KIF13B: variants seen among roughly 807,000 people sequenced by gnomAD.
KIF13B encodes kinesin-like protein KIF13B.
A neutral mutation model predicts 222.0 loss-of-function variants in KIF13B; 127 were observed. The ratio of observed to expected loss-of-function variants is 0.57; its 90% CI spans 0.50 to 0.66. The LOEUF (loss-of-function observed/expected upper bound fraction) is 0.66. KIF13B is among the 30% of genes least tolerant of loss of function. The probability of loss-of-function intolerance (pLI) is 0.00; values close to 1 mark genes in which losing one functional copy is unlikely to be tolerated. For synonymous variants in KIF13B, 976 were observed against 919.0 expected (o/e 1.06, Z -1.12); for missense variants, 2,173 against 2,379.0 (o/e 0.91, Z 1.80).
Position 29,071,725 on chromosome 8 carries a change from C to T in KIF13B, c.5113G>A (p.Glu1705Lys). The T allele has an allele frequency of 1.3e-6, 2 of 1,550,104 alleles. No homozygotes were observed. Among genetic ancestry groups the T allele is most frequent in the Non-Finnish European group, 1.7e-6 (2 of 1,146,704 alleles). Residue 1705 changes from glutamate to lysine, a missense_variant, in exon 39 of 40, where the codon GAG becomes AAG. Physicochemically the swap from Glu to Lys is moderately conservative, Grantham distance 56. Around this residue, in one of 2 missense-constraint regions of KIF13B, gnomAD observed 693 missense variants for 656.2 expected, o/e 1.06. Transcript: ENST00000524189. This position sits in a 1 kb window ranked among gnomAD's most constrained non-coding sequence, Gnocchi z 4.9. ...TTGTGGGCGCCCACGGTGACGAACT[C>T]GCCCTCTCGGAGCCACTCCGGGACC... ...DEVPEWLREG[E>K]FVTVGAHKTG... is the part of the protein sequence containing the mutation.
intron 2 of KIF13B, among the ~76,000 whole-genome samples, chr8:29,211,201 T>G (rs1814206757): frequency 6.6e-6 from 1 of 152,230 alleles, no homozygotes; most frequent in Non-Finnish European, 1.5e-5. Flanking sequence ...GGCACTTGTT[T>G]CCATGCATTG....
Position 29,190,728 on chromosome 8 carries a change from C to A in KIF13B, c.223+269G>T. The stretch of plus-strand genomic sequence containing the variant: ...GAGCGGTCTTGTGGGACTGAGCCCT[C>A]AGTCTGTGGATCTGACGCTGTCCCC... On this transcript the variant is annotated intron_variant, in intron 4 of 39. Coordinates refer to ENST00000524189, the MANE Select transcript of KIF13B (RefSeq NM_015254.4). The A allele has an allele frequency of 7.1e-6, 3 of 420,616 alleles. No individual in the cohort carries two copies. The South Asian group carries it at 7.9e-5, about 11-fold the overall frequency. 26.1% of individuals were successfully genotyped at this position (420,616 alleles called of 1,614,324 possible).
intron 35 of KIF13B, among the ~76,000 whole-genome samples, chr8:29,101,773 C>T (rs1299913051): frequency 6.6e-6 from 1 of 152,160 alleles, no homozygotes; most frequent in Non-Finnish European, 1.5e-5. Context: ...GAGACAGGGA[C>T]CTCAAATCGC....
In KIF13B at chr8:29,167,829, C is replaced by G. The variant is rs147403794; in HGVS notation, c.946-244G>C. On this transcript the variant is annotated intron_variant, in intron 10 of 39. Transcript: ENST00000524189. ...GACGGGGAAATGTCATGAAACCTAC[C>G]TTTATTTCGGTTTAACACAAATTAA... 1.4e-3 allele frequency among the ~76,000 whole-genome samples: 220 copies of G among 152,272 alleles called. 1 individual carries two copies. Among genetic ancestry groups the G allele is most frequent in the African/African-American group, 5.1e-3 (210 of 41,566 alleles).
At chr8:29,113,615 C>A in intron 31 of KIF13B, 60 bp from the exon 32 acceptor site, 2 of 967,528 alleles carry the variant, frequency 2.1e-6, no homozygotes, top group Non-Finnish European at 3.2e-6. Context: ...TTTACATTAA[C>A]AAAAGACAGC....
intron 30 of KIF13B, among the ~76,000 whole-genome samples, chr8:29,118,075 T>C (rs982239224): frequency 7.9e-5 from 12 of 151,858 alleles, no homozygotes; most frequent in East Asian, 3.9e-4. Flanking sequence ...AGAGGATCAC[T>C]TGAACCCAGG....
At chr8:29,200,198 GACAC>G (rs1255592074) in intron 2 of KIF13B, among the ~76,000 whole-genome samples, 1 of 152,040 alleles carries the variant, frequency 6.6e-6, no homozygotes, top group Non-Finnish European at 1.5e-5. Flanking sequence ...AAAGGCATGG[GACAC>G]CCAAAGATGT....
chr8:29,141,445 A>G (rs973691789), intron 19 of KIF13B, among the ~76,000 whole-genome samples: 6 of 152,246 alleles, frequency 3.9e-5, no homozygotes, highest in African/African-American at 1.4e-4. Context: ...ACATGTTTTA[A>G]GCAAAAACAT....
intron 32 of KIF13B, 50 bp from the exon 33 acceptor site, chr8:29,110,120 C>T: frequency 1.4e-6 from 2 of 1,458,162 alleles, no homozygotes; most frequent in Non-Finnish European, 9.4e-7. Flanking sequence ...TGTACACACA[C>T]ACACGTACAC....
At chr8:29,105,734 C>T (rs1809036213) in intron 35 of KIF13B, among the ~76,000 whole-genome samples, 2 of 136,874 alleles carry the variant, frequency 1.5e-5, no homozygotes, top group African/African-American at 5.5e-5. Context: ...TCTTGGCTCA[C>T]TGCAACTTCC....
intron 26 of KIF13B, among the ~76,000 whole-genome samples, chr8:29,125,906 G>C (rs1011053867): frequency 2.0e-5 from 3 of 151,970 alleles, no homozygotes; most frequent in Non-Finnish European, 4.4e-5. Context: ...CAGGAATTCG[G>C]GACCAGCCGG....
chr8:29,110,768 A>C (rs2133613693), intron 32 of KIF13B: 1 of 152,368 alleles, frequency 6.6e-6, no homozygotes, highest in South Asian at 2.1e-4. Flanking sequence ...AGTCAGAAAG[A>C]GGCTTTATTA....
chr8:29,156,004 T>C, intron 13 of KIF13B, 148 bp from the exon 14 acceptor site: 2 of 561,246 alleles, frequency 3.6e-6, no homozygotes, highest in South Asian at 2.1e-5. Context: ...AGTCTTGCTC[T>C]ATCCCCCATG....
Position 29,177,555 on chromosome 8 carries a change from T to A in KIF13B, c.744A>T (p.Lys248Asn). ...TGCCAGCTAAATCCACCAGGCTGAG[T>A]TTGCCCACTTTCTCTCCAGATGTCT... ...KSGTSGEKVG[K>N]LSLVDLAGSE... is the part of the protein sequence containing the mutation. Residue 248 changes from lysine to asparagine, a missense_variant, in exon 9 of 40, where the codon AAA becomes AAT. Physicochemically the swap from Lys to Asn is moderately conservative, Grantham distance 94. This residue lies in a region of KIF13B where 1,480 missense variants were observed against 1,722.8 expected (regional missense o/e 0.86). Coordinates refer to ENST00000524189, the MANE Select transcript of KIF13B (RefSeq NM_015254.4). 1 of 1,613,258 alleles carries A rather than the reference T, an allele frequency of 6.2e-7. No homozygotes were observed. Among genetic ancestry groups the A allele is most frequent in the African/African-American group, 1.3e-5 (1 of 74,964 alleles).
intron 21 of KIF13B, among the ~76,000 whole-genome samples, chr8:29,135,367 T>G (rs977549878): frequency 3.3e-5 from 5 of 151,920 alleles, no homozygotes; most frequent in Non-Finnish European, 7.4e-5. Context: ...TAATTTGGAG[T>G]TTTTGTGATA....
chr8:29,134,925 C>T (rs946636017), intron 21 of KIF13B, among the ~76,000 whole-genome samples: 9 of 152,092 alleles, frequency 5.9e-5, no homozygotes, highest in African/African-American at 1.9e-4. Flanking sequence ...GGGCAGGGTG[C>T]GGTTGTAACA....
At chr8:29,196,226 T>C (rs758206184) in intron 2 of KIF13B, 27 bp from the exon 3 acceptor site, 1 of 1,526,026 alleles carries the variant, frequency 6.6e-7, no homozygotes, top group Non-Finnish European at 8.8e-7. Context: ...GATGTCATCA[T>C]TGACGTGAAA....
At chr8:29,084,018 G>A (rs887333068) in intron 37 of KIF13B, among the ~76,000 whole-genome samples, 3 of 152,064 alleles carry the variant, frequency 2.0e-5, no homozygotes, top group Non-Finnish European at 4.4e-5. Context: ...GGGTTCAAGC[G>A]ATTCCCCTGC....
chr8:29,225,428 G>A (rs527458386), intron 2 of KIF13B, among the ~76,000 whole-genome samples: 1 of 152,268 alleles, frequency 6.6e-6, no homozygotes, highest in African/African-American at 2.4e-5. Flanking sequence ...GCAAGATTGC[G>A]CTGATGCTTA....
Sources: gnomAD v4.1 joint callset for allele counts (sites outside exome capture counted in the v4.1 genomes callset) on GRCh38, gnomAD v4.1.1 for gene constraint, gnomAD v4.1.1 regional missense constraint, Gnocchi (gnomAD v3.1) non-coding constraint, MANE v1.5 for transcripts, NCBI Gene and HGNC (gene_info 2026-07-23, HGNC 2026-07-21) for gene names.